Variants in MAST2 observed in about 807,000 individuals in gnomAD.
The protein encoded by MAST2 is microtubule associated serine/threonine kinase 2.
Under a neutral mutation model 147.4 loss-of-function variants are expected in MAST2, and 70 were observed. That is an observed-to-expected ratio of 0.47 (90% CI 0.39 to 0.58). The LOEUF is 0.58. MAST2 is among the 20% of genes least tolerant of loss of function. The probability of loss-of-function intolerance (pLI) is 0.00; values close to 1 mark genes in which losing one functional copy is unlikely to be tolerated. For missense variants in MAST2, 2,080 were observed against 2,302.3 expected, an observed-to-expected ratio of 0.90 and a Z score of 1.98; for synonymous variants, 869 against 896.8, an observed-to-expected ratio of 0.97 and a Z score of 0.55.
intron 5 of MAST2, among the ~76,000 whole-genome samples, chr1:45,986,716 CAAAAA>C (rs201589013): frequency 7.7e-4 from 92 of 120,226 alleles, no homozygotes; most frequent in Non-Finnish European, 1.9e-4. Context: ...GACTCCGTCT[CAAAAA>C]AAAAAAAAAA....
At chr1:45,824,009 T>C (rs1644715989) in intron 1 of MAST2, among the ~76,000 whole-genome samples, 1 of 152,238 alleles carries the variant, frequency 6.6e-6, no homozygotes, top group African/African-American at 2.4e-5. Flanking sequence ...TAGCATTAAT[T>C]GAATGTTAGA....
intron 1 of MAST2, among the ~76,000 whole-genome samples, chr1:45,814,179 A>T (rs1644384158): frequency 6.6e-6 from 1 of 152,180 alleles, no homozygotes; most frequent in African/African-American, 2.4e-5. Flanking sequence ...ACCATACTAT[A>T]CTTTCTACTG....
chr1:45,813,821 A>T (rs1012058334), intron 1 of MAST2, among the ~76,000 whole-genome samples: 8 of 151,598 alleles, frequency 5.3e-5, no homozygotes, highest in East Asian at 1.9e-4. Flanking sequence ...TTTTATTAAA[A>T]TTTTTTTTTA....
chr1:45,812,940 CA>C (rs1644346419), intron 1 of MAST2, among the ~76,000 whole-genome samples: 6 of 152,126 alleles, frequency 3.9e-5, no homozygotes, highest in Admixed American at 3.3e-4. Context: ...ATTCCACATT[CA>C]GCCCCTCAGG....
chr1:45,986,121 A>G (rs1046591520), intron 5 of MAST2, among the ~76,000 whole-genome samples: 1 of 152,234 alleles, frequency 6.6e-6, no homozygotes, highest in Non-Finnish European at 1.5e-5. Flanking sequence ...TCCTGATCTT[A>G]GAGCATTTTG....
At chr1:45,990,614 A>G (rs1473638218) in intron 5 of MAST2, among the ~76,000 whole-genome samples, 1 of 152,124 alleles carries the variant, frequency 6.6e-6, no homozygotes, top group Non-Finnish European at 1.5e-5. Flanking sequence ...CCTCCTAAGT[A>G]GCTGAGACCA....
At chr1:45,927,202 G>A (rs1203707939) in intron 4 of MAST2, among the ~76,000 whole-genome samples, 1 of 152,162 alleles carries the variant, frequency 6.6e-6, no homozygotes, top group Non-Finnish European at 1.5e-5. Context: ...AGTGGAGGCA[G>A]GGCGAGATCA....
chr1:46,000,552 A>G (rs969648077), intron 6 of MAST2, among the ~76,000 whole-genome samples: 7 of 152,144 alleles, frequency 4.6e-5, no homozygotes. Flanking sequence ...CTGGTTTTTT[A>G]CCACTGAGAC....
intron 3 of MAST2, among the ~76,000 whole-genome samples, chr1:45,831,520 T>A (rs1644955497): frequency 6.6e-6 from 1 of 152,164 alleles, no homozygotes; most frequent in Non-Finnish European, 1.5e-5. Flanking sequence ...TCCTTAATTT[T>A]TTATTTTGAA....
rs115000420 is a variant in MAST2 at position 46,008,524 on chromosome 1, C to T, written c.978+153C>T. ...AAAGTCAGCCAGGAGGCTGTGGACA[C>T]AGCAACAAGGGCTTCCAGACTGCTT... On this transcript the variant is annotated intron_variant, in intron 9 of 28. Coordinates refer to ENST00000361297, the MANE Select transcript of MAST2 (RefSeq NM_015112.3). 2.2e-3 allele frequency among the ~76,000 whole-genome samples: 331 copies of T among 152,334 alleles called. 1 individual carries two copies. Among genetic ancestry groups the T allele is most frequent in the African/African-American group, 7.7e-3 (320 of 41,586 alleles).
chr1:45,842,250 T>G (rs142581599), intron 3 of MAST2, among the ~76,000 whole-genome samples: 101 of 152,346 alleles, frequency 6.6e-4, no homozygotes, highest in African/African-American at 2.3e-3. Context: ...AGAAAATTAA[T>G]GAGTTTGATT....
intron 4 of MAST2, among the ~76,000 whole-genome samples, chr1:45,939,980 G>GTTTT (rs1174123217): frequency 1.3e-4 from 13 of 97,326 alleles, no homozygotes; most frequent in African/African-American, 2.0e-4. Context: ...TTTATTTAGG[G>GTTTT]TTTTTTTTTT....
At chr1:45,873,259 T>C (rs2148194938) in intron 3 of MAST2, among the ~76,000 whole-genome samples, 1 of 151,892 alleles carries the variant, frequency 6.6e-6, no homozygotes, top group Middle Eastern at 3.4e-3. Flanking sequence ...AGTAGCATGA[T>C]CTTGGCTCAC....
chr1:45,877,540 G>A (rs1458010934), intron 3 of MAST2, among the ~76,000 whole-genome samples: 1 of 152,162 alleles, frequency 6.6e-6, no homozygotes, highest in Non-Finnish European at 1.5e-5. Flanking sequence ...TGAAACCTTA[G>A]CAGTGAGGAT....
At chr1:45,954,403 C>A (rs992519044) in intron 4 of MAST2, among the ~76,000 whole-genome samples, 1 of 152,144 alleles carries the variant, frequency 6.6e-6, no homozygotes, top group African/African-American at 2.4e-5. Context: ...TGCCTTAGCC[C>A]TTGTTCTTGC....
At chr1:45,916,067 A>G (rs373531620) in intron 4 of MAST2, among the ~76,000 whole-genome samples, 1 of 152,148 alleles carries the variant, frequency 6.6e-6, no homozygotes, top group South Asian at 2.1e-4. Context: ...GTGCCCTCCT[A>G]TTTTCTATCC....
chr1:46,029,598 A>T, intron 19 of MAST2, 31 bp downstream of exon 19: 1 of 1,599,626 alleles, frequency 6.3e-7, no homozygotes, highest in Non-Finnish European at 8.6e-7. Flanking sequence ...TTTTCTCACT[A>T]CTTGGAAAAG....
At chr1:45,901,939 C>G (rs1649834627) in intron 4 of MAST2, among the ~76,000 whole-genome samples, 1 of 152,168 alleles carries the variant, frequency 6.6e-6, no homozygotes, top group Non-Finnish European at 1.5e-5. Flanking sequence ...TATAATTTGA[C>G]TAACTCTGTT....
intron 4 of MAST2, among the ~76,000 whole-genome samples, chr1:45,942,334 A>C (rs1657419040): frequency 6.6e-6 from 1 of 152,178 alleles, no homozygotes; most frequent in African/African-American, 2.4e-5. Context: ...TTATAAGACA[A>C]AGACCACTTG....
Sources: gnomAD v4.1 joint callset for allele counts (sites outside exome capture counted in the v4.1 genomes callset) on GRCh38, gnomAD v4.1.1 for gene constraint, MANE v1.5 for transcripts, NCBI Gene and HGNC (gene_info 2026-07-23, HGNC 2026-07-21) for gene names.